SFXN5: variants seen among roughly 807,000 people sequenced by gnomAD.
The protein encoded by SFXN5 is sideroflexin-5.
Under a neutral mutation model 50.2 loss-of-function variants are expected in SFXN5, and 43 were observed. That is an observed-to-expected ratio of 0.86 (90% CI 0.67 to 1.11). The LOEUF (loss-of-function observed/expected upper bound fraction) is 1.11. Among genes scored for constraint, SFXN5 ranks in the 50% least tolerant of loss-of-function variants. The pLI is 0.00. For synonymous variants in SFXN5, 203 were observed against 185.8 expected, an observed-to-expected ratio of 1.09 and a Z score of -0.75; for missense variants, 463 against 454.1, an observed-to-expected ratio of 1.02 and a Z score of -0.18.
intron 6 of SFXN5, among the ~76,000 whole-genome samples, chr2:73,010,062 C>A (rs1675298411): frequency 1.3e-5 from 2 of 152,178 alleles, no homozygotes; most frequent in African/African-American, 4.8e-5. Context: ...AGTGATGATA[C>A]CACCAAATTG....
rs141759106 is a variant in SFXN5, at chr2:73,058,555, G to A, written c.144C>T (p.Ile48=). 25 of 1,613,958 alleles carry A rather than the reference G, an allele frequency of 1.5e-5. No individual in the cohort carries two copies. The highest frequency in any genetic ancestry group is 5.5e-5 in the South Asian group (5 of 91,092). ...CAGTGACAAAGAGTGTGCGAGGGTC[G>A]ATGATATCCAAGAAGTGCCTGAAGC... ...YGRFRHFLDI[I]DPRTLFVTER... is the part of the protein sequence containing the mutation. The change falls in exon 2 of 14, where the codon ATC becomes ATT. Residue 48 remains isoleucine (I), a synonymous_variant. Transcript: ENST00000272433.
chr2:72,956,898 T>C (rs1320629288), intron 13 of SFXN5: 1 of 391,470 alleles, frequency 2.6e-6, no homozygotes, highest in African/African-American at 2.1e-5. Context: ...AAGAAGAAAC[T>C]GAATACCATG....
At chr2:73,004,105 T>C (rs1006090623) in intron 6 of SFXN5, among the ~76,000 whole-genome samples, 3 of 152,168 alleles carry the variant, frequency 2.0e-5, no homozygotes, top group African/African-American at 7.2e-5. Context: ...CATAGCTTCA[T>C]AGCAAGCTAG....
At chr2:72,957,011 C>T (rs908163230) in intron 13 of SFXN5, 16 of 456,680 alleles carry the variant, frequency 3.5e-5, no homozygotes, top group Admixed American at 1.4e-4. Flanking sequence ...CTCTTTGAAT[C>T]GCCCAAGTCC....
intron 6 of SFXN5, among the ~76,000 whole-genome samples, chr2:73,017,330 A>G (rs1490101358): frequency 6.6e-6 from 1 of 152,198 alleles, no homozygotes; most frequent in Non-Finnish European, 1.5e-5. Flanking sequence ...CTTTTAAACT[A>G]TTCCCCTCTC....
chr2:73,006,147 A>T (rs2105733874), intron 6 of SFXN5, among the ~76,000 whole-genome samples: 1 of 151,404 alleles, frequency 6.6e-6, no homozygotes, highest in Middle Eastern at 3.4e-3. Flanking sequence ...TGAGCATCTG[A>T]GGTTGCCACG....
intron 2 of SFXN5, among the ~76,000 whole-genome samples, chr2:73,053,110 G>C (rs1228477592): frequency 1.3e-5 from 2 of 151,840 alleles, no homozygotes; most frequent in African/African-American, 4.8e-5. Flanking sequence ...CCAGGAGGCA[G>C]AGGCTGCAGT....
At chr2:73,063,591 T>C (rs1395248940) in intron 1 of SFXN5, among the ~76,000 whole-genome samples, 2 of 152,170 alleles carry the variant, frequency 1.3e-5, no homozygotes, top group African/African-American at 4.8e-5. Flanking sequence ...TATTTGCAGC[T>C]ATGGGTTGAT....
chr2:73,050,571 C>G (rs1160958064), intron 2 of SFXN5, among the ~76,000 whole-genome samples: 1 of 152,148 alleles, frequency 6.6e-6, no homozygotes, highest in Non-Finnish European at 1.5e-5. Context: ...AGACAAGGGG[C>G]AGTGAGCCCT....
At chr2:73,052,828 T>C (rs532869068) in intron 2 of SFXN5, among the ~76,000 whole-genome samples, 10 of 152,284 alleles carry the variant, frequency 6.6e-5, no homozygotes, top group African/African-American at 1.2e-4. Flanking sequence ...GTTTCCTTCA[T>C]TGAAAATAAT....
chr2:72,978,582 C>T (rs1424814787), intron 10 of SFXN5, among the ~76,000 whole-genome samples: 1 of 151,966 alleles, frequency 6.6e-6, no homozygotes, highest in Non-Finnish European at 1.5e-5. Context: ...CACGCCCGGC[C>T]CAGATGAACA....
At chr2:72,991,320 C>T (rs1672572992) in intron 9 of SFXN5, among the ~76,000 whole-genome samples, 1 of 152,266 alleles carries the variant, frequency 6.6e-6, no homozygotes, top group Admixed American at 6.5e-5. Context: ...ACCAGGGTCT[C>T]CCAGCATGGA....
chr2:73,054,086 C>T (rs1681762939), intron 2 of SFXN5, among the ~76,000 whole-genome samples: 1 of 152,098 alleles, frequency 6.6e-6, no homozygotes, highest in African/African-American at 2.4e-5. Flanking sequence ...GGAGTATGGC[C>T]GCTATCTTGC....
At chr2:73,069,255 G>T (rs1683398994) in intron 1 of SFXN5, among the ~76,000 whole-genome samples, 1 of 152,182 alleles carries the variant, frequency 6.6e-6, no homozygotes, top group Non-Finnish European at 1.5e-5. Context: ...GTGGAAGCAG[G>T]GAGACCTGTT....
chr2:73,013,060 G>C (rs1430298836), intron 6 of SFXN5, among the ~76,000 whole-genome samples: 2 of 152,044 alleles, frequency 1.3e-5, no homozygotes, highest in Non-Finnish European at 2.9e-5. Context: ...CAATAACAAA[G>C]CTTAATAAAA....
chr2:72,969,972 G>A (rs919102548), intron 11 of SFXN5, among the ~76,000 whole-genome samples: 3 of 152,100 alleles, frequency 2.0e-5, no homozygotes, highest in African/African-American at 7.2e-5. Context: ...TTAGCCCCAC[G>A]AGCTTCAGCC....
chr2:72,989,739 C>T (rs937652798), intron 9 of SFXN5, among the ~76,000 whole-genome samples: 2 of 152,162 alleles, frequency 1.3e-5, no homozygotes, highest in African/African-American at 4.8e-5. Flanking sequence ...TGGAGAAATG[C>T]ATACAAGTGC....
chr2:73,031,089 G>C (rs1383514695), intron 3 of SFXN5, among the ~76,000 whole-genome samples: 1 of 152,172 alleles, frequency 6.6e-6, no homozygotes, highest in Non-Finnish European at 1.5e-5. Context: ...TTATGGCACA[G>C]ACCACAAACT....
intron 3 of SFXN5, among the ~76,000 whole-genome samples, chr2:73,027,087 T>C (rs1677657473): frequency 6.6e-6 from 1 of 152,086 alleles, no homozygotes; most frequent in African/African-American, 2.4e-5. Flanking sequence ...AAGTTAACTG[T>C]TAAACAGCCT....
Sources: gnomAD v4.1 joint callset for allele counts (sites outside exome capture counted in the v4.1 genomes callset) on GRCh38, gnomAD v4.1.1 for gene constraint, MANE v1.5 for transcripts, NCBI Gene and HGNC (gene_info 2026-07-23, HGNC 2026-07-21) for gene names.